Variants in CCM2 observed in about 807,000 individuals in gnomAD.
CCM2 encodes CCM2 scaffold protein.
CCM2 carries 25 observed loss-of-function variants against 44.9 expected under a neutral mutation model. That is an observed-to-expected ratio of 0.56 (90% CI 0.41 to 0.78). The LOEUF is 0.78. Ranked by LOEUF, CCM2 falls within the 30% of genes least tolerant of loss-of-function variation. The pLI, the probability that CCM2 is intolerant of heterozygous loss-of-function variation, is 0.00. For synonymous variants in CCM2, 219 were observed against 241.1 expected, an observed-to-expected ratio of 0.91 and a Z score of 0.85; for missense variants, 481 against 580.6, an observed-to-expected ratio of 0.83 and a Z score of 1.76.
At chr7:45,062,557 G>C (rs933012810) in intron 2 of CCM2, among the ~76,000 whole-genome samples, 1 of 152,210 alleles carries the variant, frequency 6.6e-6, no homozygotes, top group Non-Finnish European at 1.5e-5. Flanking sequence ...TTTCTAGGCT[G>C]TGCATGGTGC....
At chr7:45,017,772 C>T (rs778996527) in intron 1 of CCM2, among the ~76,000 whole-genome samples, 13 of 152,128 alleles carry the variant, frequency 8.5e-5, no homozygotes, top group Non-Finnish European at 1.8e-4. Context: ...TAATGAGGTG[C>T]GTCCCAAGGC....
intron 2 of CCM2, 127 bp from the exon 3 acceptor site, chr7:45,063,791 C>T (rs975365253): frequency 1.8e-5 from 13 of 736,612 alleles, no homozygotes; most frequent in Admixed American, 3.9e-5. Flanking sequence ...CCACGCGAGC[C>T]GGAATGGAGA....
chr7:45,072,568 A>G, intron 6 of CCM2, 158 bp from the exon 7 acceptor site: 1 of 701,650 alleles, frequency 1.4e-6, no homozygotes, highest in Non-Finnish European at 2.6e-6. Flanking sequence ...TGAGGCACAC[A>G]GCACATTCCA....
intron 5 of CCM2, among the ~76,000 whole-genome samples, 168 bp downstream of exon 5, chr7:45,068,747 CCT>C (rs1202298891): frequency 1.3e-5 from 2 of 152,118 alleles, no homozygotes; most frequent in African/African-American, 4.8e-5. Flanking sequence ...CCCAGCCCCA[CCT>C]CTCTCTGCTC....
intron 3 of CCM2, 89 bp downstream of exon 3, chr7:45,064,090 T>C (rs1302440777): frequency 4.5e-6 from 4 of 894,946 alleles, no homozygotes; most frequent in Non-Finnish European, 3.7e-6. Flanking sequence ...CTGTGAGGAA[T>C]GAGCCAGTCC....
chr7:45,064,700 A>T, intron 4 of CCM2, 54 bp downstream of exon 4: 1 of 1,595,338 alleles, frequency 6.3e-7, no homozygotes, highest in Non-Finnish European at 8.6e-7. Flanking sequence ...ACATGTGTGA[A>T]TTTTATGAAG....
rs878900571 is a variant in CCM2, at chr7:45,072,843, T to G, written c.803+60T>G. 11 of 1,389,062 alleles carry G rather than the reference T, an allele frequency of 7.9e-6. No homozygotes were observed. The African/African-American group carries it at 8.5e-5, about 11-fold the overall frequency. 86.0% of individuals were successfully genotyped at this position (1,389,062 alleles called of 1,614,324 possible). On this transcript the variant is annotated intron_variant, in intron 7 of 9. Transcript: ENST00000258781. ...CACGCACCAAATGCGTTGTCTGGTGTTGTCCAGGCTGCAGCCAGTCAGCTC... is the reference window on the plus strand; with the variant it reads ...CACGCACCAAATGCGTTGTCTGGTGGTGTCCAGGCTGCAGCCAGTCAGCTC...
chr7:45,056,510 G>A (rs1325650793), intron 2 of CCM2, among the ~76,000 whole-genome samples: 1 of 152,134 alleles, frequency 6.6e-6, no homozygotes, highest in Non-Finnish European at 1.5e-5. Flanking sequence ...AAAGAAAAAA[G>A]TAGCCATCCT....
chr7:45,072,724 A>G lies in CCM2; in HGVS notation c.746-2A>G. 1 of 1,612,080 alleles carries G rather than the reference A, an allele frequency of 6.2e-7. No individual in the cohort carries two copies. The highest frequency in any genetic ancestry group is 8.5e-7 in the Non-Finnish European group (1 of 1,178,696). On this transcript the variant is annotated splice_acceptor_variant, in intron 6 of 9. Coordinates refer to ENST00000258781, the MANE Select transcript of CCM2 (RefSeq NM_031443.4). LOFTEE classifies it high-confidence loss of function. ...TCTTAGTTTTCTGCATCTTCCTTAC[A>G]GATGACTCTTCTACAAAAGTGGACA...
At chr7:45,021,232 G>C (rs1796468101) in intron 1 of CCM2, among the ~76,000 whole-genome samples, 4 of 152,012 alleles carry the variant, frequency 2.6e-5, no homozygotes, top group Admixed American at 2.6e-4. Flanking sequence ...ACTGCAGCCT[G>C]GGTAATAGAG....
At chr7:45,038,478 T>C (rs1393315327) in intron 2 of CCM2, 52 bp downstream of exon 2, 4 of 1,583,240 alleles carry the variant, frequency 2.5e-6, no homozygotes, top group Non-Finnish European at 3.5e-6. Flanking sequence ...GTGACGGTCA[T>C]GCTTGTATCC....
At chr7:45,023,723 CTT>C (rs368536421) in intron 1 of CCM2, among the ~76,000 whole-genome samples, 129 of 77,880 alleles carry the variant, frequency 1.7e-3, no homozygotes, top group Middle Eastern at 9.8e-3. Flanking sequence ...ACTGGGAAAT[CTT>C]TTTTTTTTTT....
At chr7:45,073,689 C>T (rs1799201782) in intron 8 of CCM2, 118 bp downstream of exon 8, 3 of 688,664 alleles carry the variant, frequency 4.4e-6, no homozygotes, top group Non-Finnish European at 7.5e-6. Flanking sequence ...AGTGAGGTCA[C>T]CTAGAGCACT....
In CCM2 at chr7:45,046,187, A is replaced by AT. The variant is rs532423980; in HGVS notation, c.204+7767dup. On this transcript the variant is annotated intron_variant, in intron 2 of 9. Coordinates refer to ENST00000258781, the MANE Select transcript of CCM2 (RefSeq NM_031443.4). The stretch of plus-strand genomic sequence containing the variant: ...AATTCCTATCAAAATTTCAGCAAGA[A>AT]TTTTTTGTAGATATAAACAAGACTA... Among the ~76,000 whole-genome samples the AT allele has an allele frequency of 3.4e-4, 52 of 152,390 alleles. No individual in the cohort carries two copies. In the East Asian group the frequency reaches 8.5e-3, roughly 25 times the overall value.
intron 2 of CCM2, among the ~76,000 whole-genome samples, chr7:45,055,845 C>T (rs949928193): frequency 9.9e-5 from 15 of 152,204 alleles, no homozygotes; most frequent in Non-Finnish European, 4.4e-5. Flanking sequence ...CTCTCCATCT[C>T]CCTCCCACAG....
At chr7:45,070,512 A>T (rs1799016151) in intron 6 of CCM2, 2 of 453,350 alleles carry the variant, frequency 4.4e-6, no homozygotes, top group Non-Finnish European at 8.9e-6. Flanking sequence ...TGCATGGCCC[A>T]CACAGCATTT....
intron 2 of CCM2, among the ~76,000 whole-genome samples, chr7:45,055,996 C>G (rs116164838): frequency 2.0e-5 from 3 of 152,198 alleles, no homozygotes; most frequent in African/African-American, 7.2e-5. Context: ...TCTTCCATGT[C>G]GTAGCATGTG....
chr7:45,029,562 G>T (rs1227007010), intron 1 of CCM2: 2 of 152,214 alleles, frequency 1.3e-5, no homozygotes, highest in Admixed American at 1.3e-4. Context: ...TGTTTCATGA[G>T]TCTGCTTTTG....
At chr7:45,002,962 T>C (rs1023786046) in intron 1 of CCM2, among the ~76,000 whole-genome samples, 3 of 152,206 alleles carry the variant, frequency 2.0e-5, no homozygotes, top group African/African-American at 7.2e-5. Flanking sequence ...GCTGCTCTTC[T>C]GTCCTGATGT....
Sources: gnomAD v4.1 joint callset for allele counts (sites outside exome capture counted in the v4.1 genomes callset) on GRCh38, gnomAD v4.1.1 for gene constraint, MANE v1.5 for transcripts, NCBI Gene and HGNC (gene_info 2026-07-23, HGNC 2026-07-21) for gene names.